The following PBX3 variants were observed in gnomAD, a reference collection of about 807,000 sequenced individuals.
The protein encoded by PBX3 is PBX homeobox 3, also known as pre-B-cell leukemia transcription factor 3.
In PBX3, 14 loss-of-function variants were observed where a neutral mutation model predicts 48.5. The ratio of observed to expected loss-of-function variants is 0.29; its 90% CI spans 0.19 to 0.45. PBX3 has a LOEUF of 0.45. PBX3 is among the 20% of genes least tolerant of loss of function. The probability of loss-of-function intolerance (pLI) is 1.00; values close to 1 mark genes in which losing one functional copy is unlikely to be tolerated. For missense variants in PBX3, 386 were observed against 546.7 expected, an observed-to-expected ratio of 0.71 and a Z score of 2.93; for synonymous variants, 210 against 200.3, an observed-to-expected ratio of 1.05 and a Z score of -0.41.
chr9:125,774,928 G>C (rs546093789), intron 2 of PBX3, among the ~76,000 whole-genome samples: 8 of 151,386 alleles, frequency 5.3e-5, no homozygotes, highest in Middle Eastern at 3.4e-3. Flanking sequence ...CTGGAGTATA[G>C]TGGCGCAACC....
intron 2 of PBX3, among the ~76,000 whole-genome samples, chr9:125,761,912 G>C (rs1324893607): frequency 6.6e-6 from 1 of 152,154 alleles, no homozygotes; most frequent in Non-Finnish European, 1.5e-5. Flanking sequence ...CATTTCATTA[G>C]TTGCAGAGTT....
intron 2 of PBX3, among the ~76,000 whole-genome samples, chr9:125,792,966 G>A (rs139529743): frequency 0.012 from 1,809 of 151,982 alleles, 14 homozygotes; most frequent in Admixed American, 0.02. Flanking sequence ...CAAAAGTGCT[G>A]GGATTATAAG....
At chr9:125,845,934 T>G (rs1839416223) in intron 2 of PBX3, among the ~76,000 whole-genome samples, 1 of 152,156 alleles carries the variant, frequency 6.6e-6, no homozygotes, top group South Asian at 2.1e-4. Context: ...AAAAATATTT[T>G]ATTGTATTGT....
chr9:125,940,034 T>C (rs1342527845), intron 5 of PBX3, among the ~76,000 whole-genome samples: 2 of 151,950 alleles, frequency 1.3e-5, no homozygotes, highest in Non-Finnish European at 2.9e-5. Context: ...ATACAAAAAG[T>C]AGCCGAGTGT....
chr9:125,888,059 TCTACTACTAGTAAAAGAA>T (rs1189338678), intron 2 of PBX3, among the ~76,000 whole-genome samples: 4 of 152,142 alleles, frequency 2.6e-5, no homozygotes, highest in Non-Finnish European at 5.9e-5. Flanking sequence ...TAGATAGACT[TCTACTACTAGTAAAAGAA>T]CTGAAGCATG....
chr9:125,767,041 A>C (rs975403152), intron 2 of PBX3, among the ~76,000 whole-genome samples: 1 of 152,170 alleles, frequency 6.6e-6, no homozygotes, highest in South Asian at 2.1e-4. Flanking sequence ...TTTTGAATCA[A>C]CCACTGATGT....
intron 4 of PBX3, among the ~76,000 whole-genome samples, chr9:125,932,818 T>C (rs541545127): frequency 6.6e-6 from 1 of 152,300 alleles, no homozygotes; most frequent in South Asian, 2.1e-4. Flanking sequence ...TTTTCTTCCA[T>C]GAAGAGAAAG....
At chr9:125,880,116 C>T (rs1175789218) in intron 2 of PBX3, among the ~76,000 whole-genome samples, 1 of 152,230 alleles carries the variant, frequency 6.6e-6, no homozygotes, top group Non-Finnish European at 1.5e-5. Context: ...GCAATCTCGG[C>T]TCACTGCACC....
At chr9:125,872,356 C>G (rs1278875967) in intron 2 of PBX3, among the ~76,000 whole-genome samples, 1 of 152,012 alleles carries the variant, frequency 6.6e-6, no homozygotes, top group Non-Finnish European at 1.5e-5. Flanking sequence ...ATAAACCTGA[C>G]AACACACTTA....
chr9:125,905,540 A>AT (rs901001750), intron 2 of PBX3, among the ~76,000 whole-genome samples: 18 of 150,846 alleles, frequency 1.2e-4, no homozygotes, highest in South Asian at 4.2e-4. Context: ...ATGTCTTTGG[A>AT]TTTTTTTTTC....
At chr9:125,784,293 T>A (rs1046481201) in intron 2 of PBX3, among the ~76,000 whole-genome samples, 24 of 152,138 alleles carry the variant, frequency 1.6e-4, no homozygotes, top group Admixed American at 1.2e-3. Flanking sequence ...CAACTCTGGC[T>A]AATTTTTGTA....
chr9:125,964,564 G>C (rs1020606918), intron 8 of PBX3, among the ~76,000 whole-genome samples: 2 of 145,148 alleles, frequency 1.4e-5, no homozygotes, highest in South Asian at 4.4e-4. Context: ...ACCTGAATTT[G>C]ATATGCCTCA....
chr9:125,954,838 A>G (rs1272138904), intron 5 of PBX3, among the ~76,000 whole-genome samples: 4 of 152,178 alleles, frequency 2.6e-5, no homozygotes, highest in African/African-American at 9.7e-5. Flanking sequence ...TGCCTGGCCT[A>G]TGTATTTTTT....
At chr9:125,881,333 T>C (rs1004574841) in intron 2 of PBX3, among the ~76,000 whole-genome samples, 5 of 152,218 alleles carry the variant, frequency 3.3e-5, no homozygotes, top group Admixed American at 2.0e-4. Flanking sequence ...TGACATTGAT[T>C]GTAAAGCTGT....
At chr9:125,804,761 C>T (rs111763193) in intron 2 of PBX3, among the ~76,000 whole-genome samples, 3 of 152,120 alleles carry the variant, frequency 2.0e-5, no homozygotes, top group African/African-American at 7.2e-5. Context: ...GCCTAGCCAA[C>T]ATGGTGAAAC....
chr9:125,816,143 C>T (rs1008064447), intron 2 of PBX3, among the ~76,000 whole-genome samples: 17 of 152,060 alleles, frequency 1.1e-4, no homozygotes, highest in South Asian at 2.1e-4. Flanking sequence ...AGGACCACCA[C>T]GCCTGGCTAA....
In PBX3 at chr9:125,898,449, G is replaced by GAAA. The variant is rs3051314; in HGVS notation, c.275-17228_275-17226dup. On this transcript the variant is annotated intron_variant, in intron 2 of 8. Transcript: ENST00000373489. ...GCAGTGTAGCAGGACCCCATCTTCT[G>GAAA]AAAAAAAAAAATAAAAAAAAGGGCC... is the stretch of plus-strand genomic sequence containing the variant. Among the ~76,000 whole-genome samples, 502 of 144,830 alleles carry GAAA rather than the reference G, an allele frequency of 3.5e-3. 2 individuals carry two copies. Among genetic ancestry groups the GAAA allele is most frequent in the Middle Eastern group, 0.032 (9 of 280 alleles).
intron 2 of PBX3, among the ~76,000 whole-genome samples, chr9:125,806,464 T>G (rs574199288): frequency 6.6e-6 from 1 of 152,180 alleles, no homozygotes; most frequent in African/African-American, 2.4e-5. Context: ...AGGGCCAGGC[T>G]TCTGCTTCCA....
intron 2 of PBX3, among the ~76,000 whole-genome samples, chr9:125,868,392 A>AG (rs1840040158): frequency 6.6e-6 from 1 of 152,238 alleles, no homozygotes; most frequent in African/African-American, 2.4e-5. Context: ...TTGAATGTGC[A>AG]GAAAAACCTC....
Sources: gnomAD v4.1 joint callset for allele counts (sites outside exome capture counted in the v4.1 genomes callset) on GRCh38, gnomAD v4.1.1 for gene constraint, MANE v1.5 for transcripts, NCBI Gene and HGNC (gene_info 2026-07-23, HGNC 2026-07-21) for gene names.